Variants in TXNRD1 observed in about 807,000 individuals in gnomAD.
TXNRD1 encodes thioredoxin reductase 1, cytoplasmic.
Under a neutral mutation model 80.3 loss-of-function variants are expected in TXNRD1, and 57 were observed. That is an observed-to-expected ratio of 0.71 (90% CI 0.57 to 0.89). The LOEUF (loss-of-function observed/expected upper bound fraction) is 0.89. TXNRD1 is among the 40% of genes least tolerant of loss of function. TXNRD1 has a pLI of 0.00. For missense variants in TXNRD1, 730 were observed against 803.0 expected (o/e 0.91, Z 1.10); for synonymous variants, 291 against 285.2 (o/e 1.02, Z -0.20).
At chr12:104,333,374 A>T (rs1296397176) in intron 14 of TXNRD1, among the ~76,000 whole-genome samples, 1 of 152,148 alleles carries the variant, frequency 6.6e-6, no homozygotes, top group African/African-American at 2.4e-5. Context: ...AGTTGAAGAA[A>T]CTTTGAAAAA....
At chr12:104,261,316 A>T (rs578111424) in intron 3 of TXNRD1, among the ~76,000 whole-genome samples, 5 of 152,218 alleles carry the variant, frequency 3.3e-5, no homozygotes, top group East Asian at 3.9e-4. Context: ...GGCATGCGCC[A>T]CCACGGCCAA....
chr12:104,223,432 C>T (rs2135675429), intron 1 of TXNRD1, among the ~76,000 whole-genome samples: 1 of 152,252 alleles, frequency 6.6e-6, no homozygotes, highest in East Asian at 1.9e-4. Flanking sequence ...CTAGATTTCA[C>T]TCTTTTATGT....
At chr12:104,312,557 G>C (rs559032619) in intron 5 of TXNRD1, among the ~76,000 whole-genome samples, 8 of 152,292 alleles carry the variant, frequency 5.3e-5, no homozygotes, top group African/African-American at 1.9e-4. Flanking sequence ...TTTGAAAGAC[G>C]TGTAGACTCA....
chr12:104,305,890 T>C (rs1294038519), intron 4 of TXNRD1, among the ~76,000 whole-genome samples: 3 of 152,220 alleles, frequency 2.0e-5, no homozygotes, highest in Non-Finnish European at 4.4e-5. Context: ...TGTCCCACTT[T>C]AATTTTGCAT....
chr12:104,251,749 A>G (rs2033123071), intron 2 of TXNRD1, 71 bp downstream of exon 2: 1 of 1,552,480 alleles, frequency 6.4e-7, no homozygotes, highest in Non-Finnish European at 8.8e-7. Flanking sequence ...TCAAATGTAA[A>G]CAACTGGATT....
At position 104,294,242 on chromosome 12, in the gene TXNRD1, C is replaced by CCCGCCCCT. The variant is rs2034353069; in HGVS notation, c.414+5207_414+5208insCCTCCGCC. ...ACTCCCCCGGGGAAAGGCCCCCCCC[C>CCCGCCCCT]CCGCCGCCGGCTTTCCCGGTCTGCT... On this transcript the variant is annotated intron_variant, in intron 4 of 16. Coordinates refer to ENST00000525566, the MANE Select transcript of TXNRD1 (RefSeq NM_001093771.3). 1.7e-5 allele frequency among the ~76,000 whole-genome samples: 2 copies of CCCGCCCCT among 119,044 alleles called. 1 individual carries two copies. Among genetic ancestry groups the CCCGCCCCT allele is most frequent in the African/African-American group, 6.3e-5 (2 of 31,502 alleles). 78.1% of individuals were successfully genotyped at this position (119,044 alleles called of 152,430 possible).
chr12:104,346,099 A>T (rs911271392), intron 16 of TXNRD1: 1 of 838,314 alleles, frequency 1.2e-6, no homozygotes, highest in Non-Finnish European at 1.7e-6. Flanking sequence ...TGCAGCCTTG[A>T]CCTTTCAAGC....
intron 3 of TXNRD1, among the ~76,000 whole-genome samples, chr12:104,270,032 C>T (rs995690447): frequency 6.6e-6 from 1 of 152,142 alleles, no homozygotes; most frequent in African/African-American, 2.4e-5. Context: ...TTCTATTTCT[C>T]TTGTTATTTC....
chr12:104,330,136 G>T (rs1335890496), intron 13 of TXNRD1, among the ~76,000 whole-genome samples: 1 of 151,992 alleles, frequency 6.6e-6, no homozygotes, highest in Non-Finnish European at 1.5e-5. Context: ...TAGAGAAAAT[G>T]GATTATATTT....
At position 104,309,927 on chromosome 12, in the gene TXNRD1, G is replaced by A. The variant is rs560473142; in HGVS notation, c.415-1363G>A. Reference sequence around the variant, plus strand: ...CTCCCTTCAGTCCCTGAGCCACTACGTATGCCCGCCATGCTGCCAACAGGT... The same window carrying A: ...CTCCCTTCAGTCCCTGAGCCACTACATATGCCCGCCATGCTGCCAACAGGT... On this transcript the variant is annotated intron_variant, in intron 4 of 16. Transcript: ENST00000525566. 4.1e-4 allele frequency: 630 copies of A among 1,536,028 alleles called. 7 individuals carry two copies. In the South Asian group the frequency reaches 6.5e-3, roughly 16 times the overall value.
chr12:104,265,673 A>G, intron 3 of TXNRD1: 2 of 1,605,072 alleles, frequency 1.2e-6, no homozygotes. Context: ...GCCCGAGCCC[A>G]CTCCATTCAG....
intron 1 of TXNRD1, among the ~76,000 whole-genome samples, chr12:104,220,747 G>A (rs1274395764): frequency 6.7e-6 from 1 of 150,250 alleles, no homozygotes; most frequent in Non-Finnish European, 1.5e-5. Flanking sequence ...AAACGGTGGG[G>A]GGGAGGCGGT....
intron 3 of TXNRD1, among the ~76,000 whole-genome samples, chr12:104,281,499 C>T (rs1028961052): frequency 6.0e-5 from 9 of 149,520 alleles, no homozygotes; most frequent in African/African-American, 1.7e-4. Flanking sequence ...CTCCGCCTCC[C>T]GGGTTCACGC....
intron 3 of TXNRD1, chr12:104,265,849 C>T: frequency 1.4e-6 from 2 of 1,407,186 alleles, no homozygotes; most frequent in East Asian, 2.4e-5. Flanking sequence ...GGTGCAGGGC[C>T]CTCGTCCGGG....
intron 1 of TXNRD1, among the ~76,000 whole-genome samples, chr12:104,237,894 C>G (rs1168574174): frequency 6.6e-6 from 1 of 151,896 alleles, no homozygotes; most frequent in Admixed American, 6.6e-5. Flanking sequence ...ACCTGTAGTC[C>G]CGGCTACTCG....
At chr12:104,297,045 T>A (rs891795618) in intron 4 of TXNRD1, among the ~76,000 whole-genome samples, 2 of 152,206 alleles carry the variant, frequency 1.3e-5, no homozygotes, top group African/African-American at 2.4e-5. Context: ...GGCTCATGCC[T>A]GTAATCCCAG....
intron 4 of TXNRD1, chr12:104,289,313 T>C (rs571389516): frequency 1.9e-5 from 6 of 319,088 alleles, no homozygotes; most frequent in African/African-American, 1.0e-4. Context: ...TATTTCCCCT[T>C]CCTCTTTCCC....
At chr12:104,252,662 TTATA>T (rs869105935) in intron 2 of TXNRD1, among the ~76,000 whole-genome samples, 1 of 45,820 alleles carries the variant, frequency 2.2e-5, no homozygotes, top group Admixed American at 3.4e-4. Flanking sequence ...TTATTATTTT[TTATA>T]TATATATATA....
intron 1 of TXNRD1, among the ~76,000 whole-genome samples, chr12:104,249,914 C>T (rs1593706590): frequency 9.0e-6 from 1 of 110,862 alleles, no homozygotes; most frequent in Non-Finnish European, 1.7e-5. Flanking sequence ...CCAGCCTTGG[C>T]AACAGAGCGA....
Sources: gnomAD v4.1 joint callset for allele counts (sites outside exome capture counted in the v4.1 genomes callset) on GRCh38, gnomAD v4.1.1 for gene constraint, MANE v1.5 for transcripts, NCBI Gene and HGNC (gene_info 2026-07-23, HGNC 2026-07-21) for gene names.